PARD3B: variants seen among roughly 807,000 people sequenced by gnomAD.
The protein encoded by PARD3B is par-3 family cell polarity regulator beta, also known as partitioning defective 3 homolog B.
PARD3B carries 103 observed loss-of-function variants against 130.2 expected under a neutral mutation model. That is an observed-to-expected ratio of 0.79 (90% CI 0.67 to 0.93). The LOEUF (loss-of-function observed/expected upper bound fraction) is 0.93, where lower values mean the gene tolerates loss of function less well. Ranked by LOEUF, PARD3B falls within the 40% of genes least tolerant of loss-of-function variation. The pLI, the probability that PARD3B is intolerant of heterozygous loss-of-function variation, is 0.00. For synonymous variants in PARD3B, 583 were observed against 553.2 expected, an observed-to-expected ratio of 1.05 and a Z score of -0.76; for missense variants, 1,609 against 1,499.2, an observed-to-expected ratio of 1.07 and a Z score of -1.21.
intron 16 of PARD3B, among the ~76,000 whole-genome samples, chr2:205,271,867 A>C (rs2040739294): frequency 1.3e-5 from 2 of 152,166 alleles, no homozygotes. Flanking sequence ...AGATTAGTGA[A>C]AGATGCTCGG....
intron 1 of PARD3B, among the ~76,000 whole-genome samples, chr2:204,616,609 C>T (rs2125122470): frequency 6.6e-6 from 1 of 152,234 alleles, no homozygotes; most frequent in South Asian, 2.1e-4. Context: ...AGCAATTGTG[C>T]TCCCTGATAT....
At chr2:204,641,999 C>T (rs2035093138) in intron 1 of PARD3B, among the ~76,000 whole-genome samples, 2 of 152,034 alleles carry the variant, frequency 1.3e-5, no homozygotes, top group Admixed American at 6.5e-5. Context: ...AATCAAGTAT[C>T]TCAGAAAAAA....
chr2:205,482,012 G>A (rs1321934946), intron 20 of PARD3B, among the ~76,000 whole-genome samples: 1 of 152,208 alleles, frequency 6.6e-6, no homozygotes, highest in Non-Finnish European at 1.5e-5. Flanking sequence ...AGATGTTGCA[G>A]CTAGAGAGGT....
chr2:204,851,901 C>T (rs1342125242), intron 2 of PARD3B, among the ~76,000 whole-genome samples: 1 of 152,100 alleles, frequency 6.6e-6, no homozygotes, highest in South Asian at 2.1e-4. Context: ...CCATATTGGC[C>T]AGGCTGGTCT....
chr2:204,734,822 G>A (rs748425051), intron 2 of PARD3B, among the ~76,000 whole-genome samples: 4 of 152,024 alleles, frequency 2.6e-5, no homozygotes, highest in Non-Finnish European at 5.9e-5. Flanking sequence ...CGTGGTGATG[G>A]TCACACAACT....
chr2:205,099,902 G>A (rs781349639), intron 4 of PARD3B, among the ~76,000 whole-genome samples: 2 of 152,084 alleles, frequency 1.3e-5, no homozygotes, highest in Non-Finnish European at 2.9e-5. Context: ...AATAATAATA[G>A]GAGATATAAG....
intron 15 of PARD3B, among the ~76,000 whole-genome samples, chr2:205,238,314 CCTT>C (rs1043782186): frequency 1.3e-5 from 2 of 152,086 alleles, no homozygotes; most frequent in Non-Finnish European, 2.9e-5. Flanking sequence ...TACTTAAAAA[CCTT>C]CTTCTATAGC....
chr2:205,183,729 G>GT lies in PARD3B; in HGVS notation c.1925-2033dup, dbSNP rs1316206224. Among the ~76,000 whole-genome samples the GT allele has an allele frequency of 2.1e-4, 20 of 95,764 alleles. No individual in the cohort carries two copies. The highest frequency in any genetic ancestry group is 1.9e-3 in the Admixed American group (16 of 8,592). 62.8% of individuals were successfully genotyped at this position (95,764 alleles called of 152,430 possible). A position where few individuals can be genotyped will look rare whatever the true frequency, so the allele number is the denominator to read the frequency against. ...GGGTTCTGCAGAGAAACAGAACCAAGTTGTGTGTGTGTGTGTGTGTGTGTG... is the reference window on the plus strand; with the variant it reads ...GGGTTCTGCAGAGAAACAGAACCAAGTTTGTGTGTGTGTGTGTGTGTGTGTG... On this transcript the variant is annotated intron_variant, in intron 13 of 22. Coordinates refer to ENST00000406610, the MANE Select transcript of PARD3B (RefSeq NM_001302769.2). The surrounding 1 kb of genome is among the most constrained non-coding windows in gnomAD (Gnocchi z 5.2).
At position 205,470,400 on chromosome 2, in the gene PARD3B, T is replaced by C. The variant is rs1280985842; in HGVS notation, c.3045-29496T>C. Among the ~76,000 whole-genome samples the C allele has an allele frequency of 6.6e-6, 1 of 152,186 alleles. No individual in the cohort carries two copies. Among genetic ancestry groups the C allele is most frequent in the African/African-American group, 2.4e-5 (1 of 41,454 alleles). The stretch of plus-strand genomic sequence containing the variant: ...CTTCAGACCTCTTCACCAATTTCTT[T>C]GTTAACCACAGTGCCCATGTATCCA... On this transcript the variant is annotated intron_variant, in intron 20 of 22. Transcript: ENST00000406610. The surrounding 1 kb of genome is among the most constrained non-coding windows in gnomAD (Gnocchi z 4.8).
At chr2:205,390,578 A>G (rs2045823000) in intron 18 of PARD3B, among the ~76,000 whole-genome samples, 1 of 152,200 alleles carries the variant, frequency 6.6e-6, no homozygotes, top group Non-Finnish European at 1.5e-5. Context: ...TTTTACTCCC[A>G]TTAGACTGGG....
At chr2:205,364,215 A>T (rs1390632897) in intron 18 of PARD3B, among the ~76,000 whole-genome samples, 1 of 152,212 alleles carries the variant, frequency 6.6e-6, no homozygotes, top group African/African-American at 2.4e-5. Flanking sequence ...TCAAAGCTAA[A>T]TAAACTTGGA....
intron 5 of PARD3B, among the ~76,000 whole-genome samples, chr2:205,107,815 T>C (rs970040378): frequency 2.6e-5 from 4 of 152,214 alleles, no homozygotes; most frequent in Non-Finnish European, 4.4e-5. Flanking sequence ...ACTCAACTTA[T>C]TTTGATCTTA....
rs1239865145 is a variant in PARD3B at position 205,265,438 on chromosome 2, G to C, written c.2185+19616G>C. Among the ~76,000 whole-genome samples, 2 of 151,934 alleles carry C rather than the reference G, an allele frequency of 1.3e-5. No homozygotes were observed. The highest frequency in any genetic ancestry group is 1.5e-5 in the Non-Finnish European group (1 of 67,936). ...TTTCTTCCTTGGGTTTTGATGTGCTGATGTAATTTGGACATTGCTTTTCTG... is the reference window on the plus strand; with the variant it reads ...TTTCTTCCTTGGGTTTTGATGTGCTCATGTAATTTGGACATTGCTTTTCTG... On this transcript the variant is annotated intron_variant, in intron 16 of 22. Coordinates refer to ENST00000406610, the MANE Select transcript of PARD3B (RefSeq NM_001302769.2). The surrounding 1 kb of genome is among the most constrained non-coding windows in gnomAD (Gnocchi z 4.3).
chr2:204,850,847 A>G (rs1328260480), intron 2 of PARD3B, among the ~76,000 whole-genome samples: 1 of 152,178 alleles, frequency 6.6e-6, no homozygotes, highest in African/African-American at 2.4e-5. Context: ...CACATGGTAT[A>G]CGCCTGTTTT....
At chr2:205,086,974 G>A (rs1701778249) in intron 4 of PARD3B, among the ~76,000 whole-genome samples, 1 of 152,226 alleles carries the variant, frequency 6.6e-6, no homozygotes, top group Non-Finnish European at 1.5e-5. Context: ...TTAGATTTCA[G>A]ATATAGGCAC....
chr2:204,969,233 GTTC>G (rs1691497584), intron 3 of PARD3B, among the ~76,000 whole-genome samples: 1 of 152,156 alleles, frequency 6.6e-6, no homozygotes, highest in African/African-American at 2.4e-5. Flanking sequence ...AAACCCCATG[GTTC>G]TTCTGAGCAT....
At chr2:205,285,588 A>T (rs1463681133) in intron 16 of PARD3B, among the ~76,000 whole-genome samples, 1 of 152,080 alleles carries the variant, frequency 6.6e-6, no homozygotes, top group African/African-American at 2.4e-5. Context: ...CCCAGGCCCC[A>T]TGAGCACTCT....
intron 1 of PARD3B, among the ~76,000 whole-genome samples, chr2:204,649,251 C>T (rs1241920100): frequency 6.6e-6 from 1 of 150,842 alleles, no homozygotes; most frequent in East Asian, 1.9e-4. Context: ...GTGCTTGTAT[C>T]TTTTGTCCAT....
intron 20 of PARD3B, among the ~76,000 whole-genome samples, chr2:205,486,827 A>G (rs965896306): frequency 6.6e-6 from 1 of 152,128 alleles, no homozygotes; most frequent in Non-Finnish European, 1.5e-5. Context: ...ATGAGATTTG[A>G]GTGGGGACAC....
Sources: allele counts gnomAD v4.1 joint callset (sites outside exome capture counted in the v4.1 genomes callset), GRCh38; gene constraint gnomAD v4.1.1; non-coding constraint Gnocchi (gnomAD v3.1); transcripts MANE v1.5; gene names NCBI Gene and HGNC (gene_info 2026-07-23, HGNC 2026-07-21).